The following CACNA1E variants were observed in gnomAD, a reference collection of about 807,000 sequenced individuals.
CACNA1E encodes voltage-dependent R-type calcium channel subunit alpha-1E.
In CACNA1E, 40 loss-of-function variants were observed where a neutral mutation model predicts 259.2. The ratio of observed to expected loss-of-function variants is 0.15; its 90% CI spans 0.12 to 0.20. The LOEUF (loss-of-function observed/expected upper bound fraction) is 0.20. CACNA1E is among the 10% of genes least tolerant of loss of function. The pLI is 1.00. For synonymous variants in CACNA1E, 1,104 were observed against 1,138.5 expected (o/e 0.97, Z 0.61); for missense variants, 1,874 against 3,040.1 (o/e 0.62, Z 9.02).
At chr1:181,584,615 A>C (rs1651871726) in intron 6 of CACNA1E, among the ~76,000 whole-genome samples, 1 of 152,204 alleles carries the variant, frequency 6.6e-6, no homozygotes, top group South Asian at 2.1e-4. Flanking sequence ...ATGTTCCTCT[A>C]TGAGCATGGT....
At chr1:181,376,719 T>C (rs1007694123) in intron 1 of CACNA1E, among the ~76,000 whole-genome samples, 4 of 152,216 alleles carry the variant, frequency 2.6e-5, no homozygotes, top group African/African-American at 9.6e-5. Context: ...TGCTGTCTCC[T>C]AGTTTTCTAT....
intron 47 of CACNA1E, 33 bp downstream of exon 47, chr1:181,796,891 A>G (rs1221742748): frequency 6.0e-6 from 9 of 1,504,694 alleles, no homozygotes; most frequent in Non-Finnish European, 8.1e-6. Flanking sequence ...TCTACAGCAG[A>G]AGGACAGGGG....
intron 10 of CACNA1E, among the ~76,000 whole-genome samples, chr1:181,716,544 A>C (rs978773587): frequency 2.0e-5 from 3 of 152,168 alleles, no homozygotes. Context: ...AGTAGCCCCC[A>C]CCTACTTCCA....
chr1:181,641,862 C>T lies in CACNA1E; in HGVS notation c.952-9476C>T, dbSNP rs150517552. On this transcript the variant is annotated intron_variant, in intron 6 of 47. Transcript: ENST00000367573. ...CTGAGTAGCTGGGACTACAGGCATG[C>T]GTCACCACACCCAGCTAATTTTTGT... Among the ~76,000 whole-genome samples the T allele has an allele frequency of 9.7e-3, 1,466 of 151,724 alleles. 19 individuals carry two copies. Among genetic ancestry groups the T allele is most frequent in the South Asian group, 0.022 (105 of 4,792 alleles).
In CACNA1E at chr1:181,580,644, C is replaced by T. The variant is rs1651429973; in HGVS notation, c.819C>T (p.Cys273=). The change falls in exon 6 of 48, where the codon TGC becomes TGT. Residue 273 remains cysteine, a synonymous_variant. Coordinates refer to ENST00000367573, the MANE Select transcript of CACNA1E (RefSeq NM_001205293.3). ...CTCACCCATGTGGTGTGCAGGGCTG[C>T]CCAGCTGGTTATGAATGCAAGGACT... ...DPPHPCGVQG[C]PAGYECKDWI... 2 of 1,613,940 alleles carry T rather than the reference C, an allele frequency of 1.2e-6. No homozygotes were observed. Among genetic ancestry groups the T allele is most frequent in the South Asian group, 1.1e-5 (1 of 91,096 alleles).
chr1:181,736,354 G>A lies in CACNA1E; in HGVS notation c.3342G>A (p.Lys1114=). The change falls in exon 22 of 48, where the codon AAG becomes AAA. Residue 1114 remains lysine, a synonymous_variant. Transcript: ENST00000367573. ...IREDEEEVEK[K]KQKKEKRETG... ...AGGATGAGGAGGAGGTGGAGAAGAA[G>A]AAGCAGAAGAAGGAGAAGCGTGAGA... 1.2e-6 allele frequency: 2 copies of A among 1,610,452 alleles called. No individual in the cohort carries two copies. Among genetic ancestry groups the A allele is most frequent in the Non-Finnish European group, 1.7e-6 (2 of 1,178,220 alleles).
chr1:181,687,058 G>T (rs533163038), intron 7 of CACNA1E, among the ~76,000 whole-genome samples: 6 of 152,214 alleles, frequency 3.9e-5, no homozygotes, highest in Admixed American at 3.9e-4. Flanking sequence ...CTGGTGGGGT[G>T]GGGGTGGTTC....
At chr1:181,433,105 C>T (rs989159316) in intron 2 of CACNA1E, among the ~76,000 whole-genome samples, 1 of 152,160 alleles carries the variant, frequency 6.6e-6, no homozygotes, top group Non-Finnish European at 1.5e-5. Context: ...TGGTGCTGCC[C>T]TCCAGAGCTC....
intron 7 of CACNA1E, among the ~76,000 whole-genome samples, chr1:181,677,856 C>T (rs1303579371): frequency 6.6e-6 from 1 of 152,028 alleles, no homozygotes; most frequent in Non-Finnish European, 1.5e-5. Context: ...CAGGATGATC[C>T]CCAACTTTGA....
intron 39 of CACNA1E, 28 bp from the exon 40 acceptor site, chr1:181,783,651 T>G: frequency 4.2e-6 from 5 of 1,203,988 alleles, no homozygotes; most frequent in Non-Finnish European, 6.0e-6. Context: ...TTTTTTTGCC[T>G]GCTGTTTCTT....
At chr1:181,628,704 C>T (rs1291775761) in intron 6 of CACNA1E, among the ~76,000 whole-genome samples, 4 of 152,254 alleles carry the variant, frequency 2.6e-5, no homozygotes, top group South Asian at 4.1e-4. Flanking sequence ...GAAGTGTAGG[C>T]GGGCCTTTCT....
chr1:181,740,516 G>T (rs576104573), intron 25 of CACNA1E, among the ~76,000 whole-genome samples: 1 of 152,092 alleles, frequency 6.6e-6, no homozygotes, highest in African/African-American at 2.4e-5. Context: ...GTGGCCTGGT[G>T]GGGGTGGGGA....
At chr1:181,566,498 A>G (rs1649836972) in intron 3 of CACNA1E, among the ~76,000 whole-genome samples, 2 of 152,234 alleles carry the variant, frequency 1.3e-5, no homozygotes, top group Non-Finnish European at 2.9e-5. Context: ...AAAGAGAAGG[A>G]AATGCAGGAC....
chr1:181,736,579 C>A, intron 22 of CACNA1E, 145 bp downstream of exon 22: 1 of 741,712 alleles, frequency 1.3e-6, no homozygotes, highest in Non-Finnish European at 2.2e-6. Context: ...CATTGAGCAT[C>A]TGGGGTGCCC....
rs147631994 is a variant in CACNA1E at position 181,407,031 on chromosome 1, C to T, written c.-14-6102C>T. Among the ~76,000 whole-genome samples, 297 of 152,282 alleles carry T rather than the reference C, an allele frequency of 2.0e-3. 1 individual carries two copies. The highest frequency in any genetic ancestry group is 6.8e-3 in the African/African-American group (281 of 41,556). On this transcript the variant is annotated intron_variant, in intron 1 of 11. Transcript: ENST00000524607. ...ACCCAGAGCTTCTGATACCAGAATA[C>T]GGACTCTTTCAACTCCTCCGCAGAG...
chr1:181,424,327 G>C (rs1028799272), intron 2 of CACNA1E, among the ~76,000 whole-genome samples: 8 of 152,180 alleles, frequency 5.3e-5, no homozygotes, highest in African/African-American at 1.9e-4. Flanking sequence ...ATCCTTTGGG[G>C]AACTTCAGCA....
At chr1:181,683,226 C>T (rs1190475328) in intron 7 of CACNA1E, among the ~76,000 whole-genome samples, 1 of 152,188 alleles carries the variant, frequency 6.6e-6, no homozygotes, top group Non-Finnish European at 1.5e-5. Flanking sequence ...TGCAATGGCA[C>T]TGGATAGAAT....
At chr1:181,756,209 G>C in intron 29 of CACNA1E, 116 bp downstream of exon 29, 1 of 1,047,674 alleles carries the variant, frequency 9.5e-7, no homozygotes, top group Non-Finnish European at 1.3e-6. Context: ...GGGAAAGTAA[G>C]GGGTTTTGAG....
At chr1:181,612,850 T>C (rs962451115) in intron 6 of CACNA1E, among the ~76,000 whole-genome samples, 1 of 152,248 alleles carries the variant, frequency 6.6e-6, no homozygotes, top group African/African-American at 2.4e-5. Context: ...GACAGTCTCC[T>C]GTTTTATTTT....
Sources: allele counts gnomAD v4.1 joint callset (sites outside exome capture counted in the v4.1 genomes callset), GRCh38; gene constraint gnomAD v4.1.1; transcripts MANE v1.5; gene names NCBI Gene and HGNC (gene_info 2026-07-23, HGNC 2026-07-21).